LEMD1: variants seen among roughly 807,000 people sequenced by gnomAD.
LEMD1 encodes LEM domain-containing protein 1.
LEMD1 carries 18 observed loss-of-function variants against 17.4 expected under a neutral mutation model. The ratio of observed to expected loss-of-function variants is 1.04; its 90% confidence interval spans 0.72 to 1.54. The LOEUF (loss-of-function observed/expected upper bound fraction) is 1.54, where lower values mean the gene tolerates loss of function less well. Ranked by LOEUF, LEMD1 falls within the 40% of genes most tolerant of loss-of-function variation. LEMD1 has a pLI of 0.00. For synonymous variants in LEMD1, 88 were observed against 77.8 expected (o/e 1.13, Z -0.69); for missense variants, 195 against 210.4 (o/e 0.93, Z 0.45).
chr1:205,391,945 C>CAAA (rs1558711014), intron 4 of LEMD1, among the ~76,000 whole-genome samples: 1 of 118,022 alleles, frequency 8.5e-6, no homozygotes. Context: ...TCGTCTCTAC[C>CAAA]GAAAAAAAAA....
chr1:205,440,994 A>C (rs1266214197), intron 1 of LEMD1: 1 of 152,428 alleles, frequency 6.6e-6, no homozygotes, highest in Non-Finnish European at 1.5e-5. Flanking sequence ...AGCCGTGGAG[A>C]CCACAGAAGC....
At chr1:205,418,992 C>T (rs1360256618) in intron 3 of LEMD1, among the ~76,000 whole-genome samples, 1 of 152,198 alleles carries the variant, frequency 6.6e-6, no homozygotes, top group African/African-American at 2.4e-5. Context: ...AGGACATGCA[C>T]GTTGAGCAGT....
intron 1 of LEMD1, 122 bp from the exon 2 acceptor site, chr1:205,420,696 A>G: frequency 1.7e-6 from 1 of 605,304 alleles, no homozygotes; most frequent in Non-Finnish European, 2.9e-6. Flanking sequence ...CAGGCAATAA[A>G]GCAAAAATCA....
chr1:205,416,090 A>C, intron 4 of LEMD1, 142 bp downstream of exon 4: 1 of 543,660 alleles, frequency 1.8e-6, no homozygotes, highest in Non-Finnish European at 3.1e-6. Context: ...ATCTGCATTA[A>C]AATGATCCTC....
upstream of LEMD1, among the ~76,000 whole-genome samples, chr1:205,426,436 G>A (rs899643771): frequency 6.6e-6 from 1 of 152,210 alleles, no homozygotes; most frequent in African/African-American, 2.4e-5. Flanking sequence ...CAATAGAGTG[G>A]TAGCCATAAA....
intron 4 of LEMD1, among the ~76,000 whole-genome samples, chr1:205,400,843 TC>T (rs58251224): frequency 0.32 from 25,874 of 80,312 alleles, 2,860 homozygotes; most frequent in African/African-American, 0.38. Context: ...ATGCTATCCC[TC>T]CCCCCCCCCA....
rs139845614 is a variant in LEMD1 at position 205,417,928 on chromosome 1, C to A, written c.205+1302G>T. On this transcript the variant is annotated intron_variant, in intron 3 of 5. Transcript: ENST00000367153. ...GTGGAAAGAGCAAAGTTTGGAGAGC[C>A]AGACTGGGTCCAAATCTCAGTTCTC... Among the ~76,000 whole-genome samples the A allele has an allele frequency of 9.2e-5, 14 of 151,792 alleles. No individual in the cohort carries two copies. In the East Asian group the frequency reaches 1.9e-3, roughly 21 times the overall value.
At chr1:205,424,154 C>A (rs1299857391), upstream of LEMD1, among the ~76,000 whole-genome samples, 1 of 152,154 alleles carries the variant, frequency 6.6e-6, no homozygotes, top group Admixed American at 6.5e-5. Flanking sequence ...TTGCCAATAA[C>A]CATTTGCAAA....
intron 4 of LEMD1, among the ~76,000 whole-genome samples, chr1:205,391,947 A>G (rs1462887331): frequency 1.5e-5 from 1 of 64,864 alleles, no homozygotes; most frequent in Non-Finnish European, 2.9e-5. Flanking sequence ...GTCTCTACCG[A>G]AAAAAAAAAA....
intron 1 of LEMD1, among the ~76,000 whole-genome samples, chr1:205,432,875 G>T (rs1666147128): frequency 6.6e-6 from 1 of 152,106 alleles, no homozygotes; most frequent in Admixed American, 6.5e-5. Context: ...GCTGGGCATG[G>T]TGGTATGTGC....
intron 5 of LEMD1, 135 bp from the exon 6 acceptor site, chr1:205,381,991 A>C (rs1663725226): frequency 2.6e-6 from 2 of 774,202 alleles, no homozygotes; most frequent in Admixed American, 4.8e-5. Flanking sequence ...CTTACTAAAA[A>C]CCTAGGCTAA....
chr1:205,419,344 T>A lies in LEMD1; in HGVS notation c.91A>T (p.Arg31Ter). Reference protein sequence around the residue: ...FSPGPILPSTRKLYEKKLVQL... With the variant: ...FSPGPILPST ...ACTAACTTTTTTTCATACAACTTTC[T>A]GGTGGAAGCTGAGGAAGAATTTGGA... Residue 31 changes from arginine (R) to a stop codon, truncating the protein, a stop_gained, in exon 3 of 6, where the codon AGA (arginine) becomes TGA (stop). Transcript: ENST00000367153. LOFTEE classifies it high-confidence loss of function. The A allele has an allele frequency of 6.2e-7, 1 of 1,614,230 alleles. No homozygotes were observed. Among genetic ancestry groups the A allele is most frequent in the East Asian group, 2.2e-5 (1 of 44,892 alleles).
At chr1:205,389,033 C>CTTTTTT (rs1278093645) in intron 4 of LEMD1, among the ~76,000 whole-genome samples, 1 of 77,134 alleles carries the variant, frequency 1.3e-5, no homozygotes, top group Non-Finnish European at 2.7e-5. Flanking sequence ...AGTACATTTG[C>CTTTTTT]TTTCTTTTTT....
In LEMD1 at chr1:205,448,782, T is replaced by A. The variant is rs1356888383; in HGVS notation, c.-39+1086A>T. Among the ~76,000 whole-genome samples, 1 of 152,102 alleles carries A rather than the reference T, an allele frequency of 6.6e-6. No homozygotes were observed. The highest frequency in any genetic ancestry group is 2.4e-5 in the African/African-American group (1 of 41,436). On this transcript the variant is annotated intron_variant, in intron 1 of 3. Coordinates refer to the LEMD1 transcript ENST00000367154. The surrounding 1 kb of genome is among the most constrained non-coding windows in gnomAD (Gnocchi z 4.7). ...AGGCTGCTGCTGCCAGTACCCAGGA[T>A]GGGGGGCCCCAGGTTAGGCTCCCTC...
intron 1 of LEMD1, among the ~76,000 whole-genome samples, chr1:205,420,784 C>T (rs1478099641): frequency 6.6e-6 from 1 of 152,100 alleles, no homozygotes; most frequent in Non-Finnish European, 1.5e-5. Flanking sequence ...TGTCATTTTC[C>T]CCAGTGTCTT....
chr1:205,425,895 T>A (rs1666048854), upstream of LEMD1, among the ~76,000 whole-genome samples: 1 of 151,610 alleles, frequency 6.6e-6, no homozygotes, highest in African/African-American at 2.4e-5. Context: ...TCTTTTTATA[T>A]GGAGTAAGAT....
At chr1:205,419,197 G>T (rs777125688) in intron 3 of LEMD1, 33 bp downstream of exon 3, 1 of 1,608,768 alleles carries the variant, frequency 6.2e-7, no homozygotes, top group Non-Finnish European at 8.5e-7. Context: ...TAAGTGCAAA[G>T]TTGCCATCTA....
chr1:205,404,317 T>C (rs1273792778), intron 4 of LEMD1, among the ~76,000 whole-genome samples: 2 of 152,016 alleles, frequency 1.3e-5, no homozygotes, highest in Admixed American at 6.5e-5. Context: ...AAGTCTCCCA[T>C]TATTATTGTG....
intron 4 of LEMD1, among the ~76,000 whole-genome samples, chr1:205,407,598 C>T (rs1429000557): frequency 6.6e-6 from 1 of 152,192 alleles, no homozygotes; most frequent in African/African-American, 2.4e-5. Context: ...CCCTGCATCT[C>T]TCCCATTGGC....
Sources: allele counts gnomAD v4.1 joint callset (sites outside exome capture counted in the v4.1 genomes callset), GRCh38; gene constraint gnomAD v4.1.1; non-coding constraint Gnocchi (gnomAD v3.1); transcripts MANE v1.5; gene names NCBI Gene and HGNC (gene_info 2026-07-23, HGNC 2026-07-21).